The following DAZAP1 variants were observed in gnomAD, a reference collection of about 807,000 sequenced individuals.
The protein encoded by DAZAP1 is DAZ associated protein 1.
DAZAP1 carries 6 observed loss-of-function variants against 60.1 expected under a neutral mutation model. The observed-to-expected ratio is 0.10, with a 90% CI of 0.05 to 0.20. DAZAP1 has a LOEUF of 0.20. Ranked by LOEUF, DAZAP1 falls within the 10% of genes least tolerant of loss-of-function variation. The pLI, the probability that DAZAP1 is intolerant of heterozygous loss-of-function variation, is 1.00. For missense variants in DAZAP1, 366 were observed against 560.4 expected (o/e 0.65, Z 3.50); for synonymous variants, 235 against 215.9 (o/e 1.09, Z -0.78).
At chr19:1,407,900 C>T (rs2082710310) in intron 1 of DAZAP1, 98 bp downstream of exon 1, 4 of 991,852 alleles carry the variant, frequency 4.0e-6, no homozygotes, top group Non-Finnish European at 4.9e-6. Flanking sequence ...GCCGCCCCGT[C>T]AAGGTCACGC....
Position 1,430,290 on chromosome 19 carries a change from G to T in DAZAP1, c.799G>T (p.Val267Leu). The change falls in exon 10 of 12, where the codon GTG becomes TTG. Residue 267 changes from valine to leucine, a missense_variant. By Grantham distance (32) the Val-to-Leu change is conservative. This residue lies in a region of DAZAP1 where 240 missense variants were observed against 308.8 expected (regional missense o/e 0.78). Transcript: ENST00000233078. ...PPPPPFTSYI[V>L]STPPGGFPPP... ...ACCCCCACCGTTCACCTCCTACATC[G>T]TGTCCACCCCTCCTGGAGGCTTTCC... is the stretch of plus-strand genomic sequence containing the variant. 1 of 1,214,302 alleles carries T rather than the reference G, an allele frequency of 8.2e-7. No individual in the cohort carries two copies. The highest frequency in any genetic ancestry group is 1.4e-5 in the South Asian group (1 of 73,454). 75.2% of individuals were successfully genotyped at this position (1,214,302 alleles called of 1,614,324 possible).
Position 1,432,635 on chromosome 19 carries a change from C to T in DAZAP1, c.993C>T (p.Ala331=), listed in dbSNP as rs775356860. The T allele has an allele frequency of 1.9e-6, 3 of 1,613,314 alleles. No individual in the cohort carries two copies. The African/African-American group carries it at 4.0e-5, about 22-fold the overall frequency. The stretch of plus-strand genomic sequence containing the variant: ...TCCCACCGCCTCCGTCTCAGGCTGC[C>T]CCGGACATGAGCAAGCCCCCGACAG... ...LAFPPPPSQA[A]PDMSKPPTAQ... The change falls in exon 11 of 12, where the codon GCC becomes GCT. Residue 331 remains alanine (A), a synonymous_variant. Transcript: ENST00000233078. This position sits in a 1 kb window ranked among gnomAD's most constrained non-coding sequence, Gnocchi z 4.9.
chr19:1,430,314 C>T lies in DAZAP1; in HGVS notation c.823C>T (p.Pro275Ser), dbSNP rs2083413963. The change falls in exon 10 of 12, where the codon CCC (proline) becomes TCC (serine). Residue 275 changes from proline to serine, a missense_variant. This residue lies in a region of DAZAP1 where 240 missense variants were observed against 308.8 expected (regional missense o/e 0.78). Coordinates refer to ENST00000233078, the MANE Select transcript of DAZAP1 (RefSeq NM_018959.4). ...CGTGTCCACCCCTCCTGGAGGCTTT[C>T]CCCCTCCCCAGGGCTTCCCTCAGGG... ...YIVSTPPGGF[P>S]PPQGFPQGYG... The T allele has an allele frequency of 1.4e-6, 2 of 1,411,974 alleles. No homozygotes were observed. 87.5% of individuals were successfully genotyped at this position (1,411,974 alleles called of 1,614,324 possible).
Position 1,428,808 on chromosome 19 carries a change from A to G in DAZAP1, c.547-34A>G, listed in dbSNP as rs1174039047. On this transcript the variant is annotated intron_variant, in intron 7 of 11. Coordinates refer to ENST00000233078, the MANE Select transcript of DAZAP1 (RefSeq NM_018959.4). The surrounding 1 kb of genome is among the most constrained non-coding windows in gnomAD (Gnocchi z 4.0). The stretch of plus-strand genomic sequence containing the variant: ...AAGGGAAGGGGGTGCTGGGACCCGC[A>G]GCCTCGCCCTAAACCAGAGCTCGGT... 2 of 1,611,840 alleles carry G rather than the reference A, an allele frequency of 1.2e-6. No homozygotes were observed. The highest frequency in any genetic ancestry group is 1.7e-6 in the Non-Finnish European group (2 of 1,179,248).
In DAZAP1 at chr19:1,428,904, C is replaced by A; in HGVS notation, c.609C>A (p.Ala203=). The A allele has an allele frequency of 6.2e-7, 1 of 1,612,992 alleles. No homozygotes were observed. The highest frequency in any genetic ancestry group is 2.2e-5 in the East Asian group (1 of 44,872). Residue 203 remains alanine, a synonymous_variant, in exon 8 of 12, where the codon GCC becomes GCA. Coordinates refer to ENST00000233078, the MANE Select transcript of DAZAP1 (RefSeq NM_018959.4). The surrounding 1 kb of genome is among the most constrained non-coding windows in gnomAD (Gnocchi z 4.0). The part of the protein sequence containing the change: ...SKSQAPGQPG[A]SQWGSRVVPN... ...GCCAAGCGCCGGGACAGCCAGGTGC[C>A]AGCCAGTGGGGGAGCCGGGTTGTGC...
chr19:1,412,988 C>T (rs1047331416), intron 1 of DAZAP1, among the ~76,000 whole-genome samples: 10 of 152,214 alleles, frequency 6.6e-5, no homozygotes, highest in African/African-American at 1.9e-4. Flanking sequence ...GTAGGAGCCA[C>T]GACTTCCAGT....
Position 1,418,554 on chromosome 19 carries a change from G to T in DAZAP1, c.238-112G>T, listed in dbSNP as rs540535662. 2.1e-6 allele frequency: 3 copies of T among 1,449,152 alleles called. No individual in the cohort carries two copies. The highest frequency in any genetic ancestry group is 4.6e-5 in the East Asian group (2 of 43,860). The allele number at this position is 1,449,152 out of a possible 1,614,324, so 89.8% of individuals were successfully genotyped here. A position where few individuals can be genotyped will look rare whatever the true frequency, so the allele number is the denominator to read the frequency against. ...AGGAGGATACAGGGTGAATGGAGCC[G>T]GCGGGGCGGGGCGGGCCGGGCTGCT... On this transcript the variant is annotated intron_variant, in intron 3 of 11. Transcript: ENST00000233078. The surrounding 1 kb of genome is among the most constrained non-coding windows in gnomAD (Gnocchi z 5.7).
intron 8 of DAZAP1, 111 bp downstream of exon 8, chr19:1,429,106 G>A: frequency 3.0e-6 from 4 of 1,327,176 alleles, no homozygotes; most frequent in Non-Finnish European, 4.0e-6. Context: ...TGCATGCACA[G>A]AGCCGCGGTT....
intron 6 of DAZAP1, among the ~76,000 whole-genome samples, chr19:1,424,957 C>T (rs1192051672): frequency 6.6e-6 from 1 of 152,114 alleles, no homozygotes; most frequent in Non-Finnish European, 1.5e-5. Context: ...GAGACCCGCC[C>T]CGTTAGCCGG....
At chr19:1,411,444 G>T (rs2082828265) in intron 1 of DAZAP1, among the ~76,000 whole-genome samples, 4 of 152,232 alleles carry the variant, frequency 2.6e-5, no homozygotes, top group African/African-American at 9.6e-5. Flanking sequence ...GGTTGCCCCT[G>T]CGCTGGGGGC....
At chr19:1,430,571 G>A (rs989027303) in intron 10 of DAZAP1, among the ~76,000 whole-genome samples, 14 of 152,198 alleles carry the variant, frequency 9.2e-5, no homozygotes, top group African/African-American at 2.2e-4. Context: ...AGGGCAGCCC[G>A]GGCTCCTGCG....
chr19:1,415,254 G>C (rs2082942422), intron 1 of DAZAP1, among the ~76,000 whole-genome samples: 1 of 151,946 alleles, frequency 6.6e-6, no homozygotes, highest in Non-Finnish European at 1.5e-5. Flanking sequence ...GCTGCTTGGA[G>C]GACACCTGCC....
intron 1 of DAZAP1, among the ~76,000 whole-genome samples, chr19:1,410,839 CAG>C (rs1436771246): frequency 8.5e-5 from 13 of 152,202 alleles, no homozygotes; most frequent in Admixed American, 8.5e-4. Flanking sequence ...AATGGTAAGA[CAG>C]GGACACCTGG....
chr19:1,420,445 G>A (rs1240090716), intron 4 of DAZAP1, among the ~76,000 whole-genome samples: 2 of 151,336 alleles, frequency 1.3e-5, no homozygotes, highest in Non-Finnish European at 2.9e-5. Context: ...TTTATTCAAA[G>A]CAGTTGGAAC....
rs540533842 is a variant in DAZAP1, at chr19:1,424,089, C to T, written c.463+1693C>T. ...GTCTGTGTCCCCCTCCCCGCCACCTCCTCCCTCTTCCTCTCCACTGACTGA... is the reference window on the plus strand; with the variant it reads ...GTCTGTGTCCCCCTCCCCGCCACCTTCTCCCTCTTCCTCTCCACTGACTGA... On this transcript the variant is annotated intron_variant, in intron 6 of 11. Transcript: ENST00000233078. 1.8e-3 allele frequency among the ~76,000 whole-genome samples: 281 copies of T among 151,982 alleles called. 1 individual carries two copies. The highest frequency in any genetic ancestry group is 6.6e-3 in the African/African-American group (274 of 41,436).
chr19:1,417,637 AT>A (rs2083026163), intron 2 of DAZAP1, 97 bp downstream of exon 2: 1 of 1,158,244 alleles, frequency 8.6e-7, no homozygotes, highest in African/African-American at 1.6e-5. Context: ...TGTCTTGGAT[AT>A]TTTAAAGTCC....
Position 1,432,873 on chromosome 19 carries a change from A to G in DAZAP1, c.1048+183A>G. On this transcript the variant is annotated intron_variant, in intron 11 of 11. Coordinates refer to ENST00000233078, the MANE Select transcript of DAZAP1 (RefSeq NM_018959.4). The surrounding 1 kb of genome is among the most constrained non-coding windows in gnomAD (Gnocchi z 4.9). Reference sequence around the variant, plus strand: ...CTCGTGGCAACTCGGGTCCAGCAGAAGGGAGCGTGGGAGTCTTGTCGCAGC... The same window carrying G: ...CTCGTGGCAACTCGGGTCCAGCAGAGGGGAGCGTGGGAGTCTTGTCGCAGC... 1.6e-6 allele frequency: 1 copy of G among 644,842 alleles called. No homozygotes were observed. The highest frequency in any genetic ancestry group is 2.6e-6 in the Non-Finnish European group (1 of 380,098). 39.9% of individuals were successfully genotyped at this position (644,842 alleles called of 1,614,324 possible). A position where few individuals can be genotyped will look rare whatever the true frequency, so the allele number is the denominator to read the frequency against.
Position 1,421,155 on chromosome 19 carries a change from G to A in DAZAP1, c.311G>A (p.Gly104Glu). 6.2e-7 allele frequency: 1 copy of A among 1,614,118 alleles called. No individual in the cohort carries two copies. Among genetic ancestry groups the A allele is most frequent in the South Asian group, 1.1e-5 (1 of 91,082 alleles). ...CCTTCCCTTCTTCAACAGCAGAAAGGACCCAGGAGCGATAACAGTAAATCA... is the reference window on the plus strand; with the variant it reads ...CCTTCCCTTCTTCAACAGCAGAAAGAACCCAGGAGCGATAACAGTAAATCA... ...RTRPKEGWQK[G>E]PRSDNSKSNK... Residue 104 changes from glycine (G) to glutamate (E), a missense_variant, in exon 5 of 12, where the codon GGA becomes GAA. Physicochemically the swap from Gly to Glu is moderately conservative, Grantham distance 98. Around this residue, in one of 3 missense-constraint regions of DAZAP1, gnomAD observed 98 missense variants for 155.3 expected, o/e 0.63. Coordinates refer to ENST00000233078, the MANE Select transcript of DAZAP1 (RefSeq NM_018959.4).
rs1353584605 is a variant in DAZAP1, at chr19:1,418,472, T to G, written c.237+102T>G. 6.8e-7 allele frequency: 1 copy of G among 1,480,772 alleles called. No individual in the cohort carries two copies. The highest frequency in any genetic ancestry group is 1.4e-5 in the African/African-American group (1 of 72,218). 91.7% of individuals were successfully genotyped at this position (1,480,772 alleles called of 1,614,324 possible). A position where few individuals can be genotyped will look rare whatever the true frequency, so the allele number is the denominator to read the frequency against. On this transcript the variant is annotated intron_variant, in intron 3 of 11. Transcript: ENST00000233078. The surrounding 1 kb of genome is among the most constrained non-coding windows in gnomAD (Gnocchi z 5.7). The stretch of plus-strand genomic sequence containing the variant: ...TGACCGATGTTTGCGTTAGAGTATG[T>G]TTGAACGTGGGGTCGATTGGGAAGG...
Sources: allele counts gnomAD v4.1 joint callset (sites outside exome capture counted in the v4.1 genomes callset), GRCh38; gene constraint gnomAD v4.1.1; regional missense constraint gnomAD v4.1.1; non-coding constraint Gnocchi (gnomAD v3.1); transcripts MANE v1.5; gene names NCBI Gene and HGNC (gene_info 2026-07-23, HGNC 2026-07-21).